The following MARCHF11 variants were observed in gnomAD, a reference collection of about 807,000 sequenced individuals.
MARCHF11 encodes the protein membrane associated ring-CH-type finger 11.
Under a neutral mutation model 37.3 loss-of-function variants are expected in MARCHF11, and 29 were observed. The ratio of observed to expected loss-of-function variants is 0.78; its 90% confidence interval spans 0.58 to 1.06. The LOEUF (loss-of-function observed/expected upper bound fraction) is 1.06, where lower values mean the gene tolerates loss of function less well. Among genes scored for constraint, MARCHF11 ranks in the 50% least tolerant of loss-of-function variants. The probability of loss-of-function intolerance (pLI) is 0.00; values close to 1 mark genes in which losing one functional copy is unlikely to be tolerated. For missense variants in MARCHF11, 482 were observed against 533.4 expected, an observed-to-expected ratio of 0.90 and a Z score of 0.95; for synonymous variants, 233 against 228.0, an observed-to-expected ratio of 1.02 and a Z score of -0.20.
In MARCHF11 at chr5:16,111,206, C is replaced by T. The variant is rs548063718; in HGVS notation, c.694-20125G>A. On this transcript the variant is annotated intron_variant, in intron 2 of 3. Transcript: ENST00000332432. ...GTAAAGATACCTGAAAATGTGGAAGCGACTTTGGAACTGGGTAACAGGCAG... is the reference window on the plus strand; with the variant it reads ...GTAAAGATACCTGAAAATGTGGAAGTGACTTTGGAACTGGGTAACAGGCAG... Among the ~76,000 whole-genome samples the T allele has an allele frequency of 3.9e-5, 6 of 152,164 alleles. No homozygotes were observed. The East Asian group carries it at 5.8e-4, about 15-fold the overall frequency.
chr5:16,109,394 GC>G (rs1737099470), intron 2 of MARCHF11, among the ~76,000 whole-genome samples: 1 of 152,154 alleles, frequency 6.6e-6, no homozygotes, highest in African/African-American at 2.4e-5. Context: ...AATCAATCAT[GC>G]CTATGTAATG....
intron 2 of MARCHF11, among the ~76,000 whole-genome samples, chr5:16,094,855 C>G (rs901257307): frequency 6.6e-6 from 1 of 152,100 alleles, no homozygotes; most frequent in African/African-American, 2.4e-5. Flanking sequence ...AGGACTGATA[C>G]AGGCCAGGCA....
intron 2 of MARCHF11, among the ~76,000 whole-genome samples, chr5:16,103,848 G>A (rs1366117830): frequency 6.6e-6 from 1 of 152,062 alleles, no homozygotes; most frequent in African/African-American, 2.4e-5. Context: ...CCTGGCAGAT[G>A]AGACGCCATG....
chr5:16,084,584 A>C (rs1202697572), intron 3 of MARCHF11, among the ~76,000 whole-genome samples: 1 of 152,098 alleles, frequency 6.6e-6, no homozygotes. Flanking sequence ...TGGATGTTGC[A>C]GTGGGCCAAG....
At chr5:16,177,695 T>C in intron 2 of MARCHF11, 31 bp downstream of exon 2, 1 of 1,573,334 alleles carries the variant, frequency 6.4e-7, no homozygotes, top group Non-Finnish European at 8.6e-7. Flanking sequence ...ACAAAATTAT[T>C]TCAGGAAAAA....
At chr5:16,085,451 G>C (rs1315399939) in intron 3 of MARCHF11, among the ~76,000 whole-genome samples, 5 of 151,956 alleles carry the variant, frequency 3.3e-5, no homozygotes, top group Non-Finnish European at 7.4e-5. Context: ...AACTTAAATA[G>C]CTATGGAATT....
At chr5:16,131,484 A>G (rs550776268) in intron 2 of MARCHF11, among the ~76,000 whole-genome samples, 13 of 152,238 alleles carry the variant, frequency 8.5e-5, no homozygotes, top group Non-Finnish European at 1.8e-4. Flanking sequence ...TAGAAAGGAA[A>G]GAAAAAATGC....
intron 3 of MARCHF11, among the ~76,000 whole-genome samples, chr5:16,083,031 G>A (rs577628028): frequency 6.1e-4 from 93 of 152,272 alleles, no homozygotes; most frequent in Middle Eastern, 3.4e-3. Context: ...TAATGGTGGC[G>A]GTGATTGAGT....
intron 2 of MARCHF11, among the ~76,000 whole-genome samples, chr5:16,110,486 T>C (rs1271757842): frequency 6.6e-6 from 1 of 152,174 alleles, no homozygotes; most frequent in African/African-American, 2.4e-5. Flanking sequence ...AAGGGCATGA[T>C]CACAATATAA....
chr5:16,082,705 A>T lies in MARCHF11; in HGVS notation c.886+8184T>A, dbSNP rs375525254. On this transcript the variant is annotated intron_variant, in intron 3 of 3. Coordinates refer to ENST00000332432, the MANE Select transcript of MARCHF11 (RefSeq NM_001102562.3). ...TGGAGGGAAAATTGCAGTGATATGA[A>T]GTCTCCAAAAGGAAATACTAGGCTA... 3.3e-4 allele frequency among the ~76,000 whole-genome samples: 51 copies of T among 152,282 alleles called. 2 individuals are homozygous for T. Among genetic ancestry groups the T allele is most frequent in the African/African-American group, 1.2e-3 (51 of 41,562 alleles).
At chr5:16,119,903 C>A (rs1737285475) in intron 2 of MARCHF11, among the ~76,000 whole-genome samples, 1 of 152,196 alleles carries the variant, frequency 6.6e-6, no homozygotes, top group African/African-American at 2.4e-5. Flanking sequence ...GCTTAAAATG[C>A]ATTACTAAAT....
At chr5:16,166,048 C>T (rs1434746921) in intron 2 of MARCHF11, among the ~76,000 whole-genome samples, 1 of 152,088 alleles carries the variant, frequency 6.6e-6, no homozygotes, top group Admixed American at 6.6e-5. Context: ...TATTGGTGTT[C>T]ACCTACAGAT....
chr5:16,086,145 A>C (rs1736695210), intron 3 of MARCHF11, among the ~76,000 whole-genome samples: 1 of 152,154 alleles, frequency 6.6e-6, no homozygotes, highest in Non-Finnish European at 1.5e-5. Context: ...CTGTCATAAC[A>C]GGGAAAGATC....
chr5:16,086,411 T>G (rs1736698854), intron 3 of MARCHF11, among the ~76,000 whole-genome samples: 1 of 152,148 alleles, frequency 6.6e-6, no homozygotes, highest in Admixed American at 6.5e-5. Flanking sequence ...AAATTTCACA[T>G]GTGTTTGTAT....
intron 2 of MARCHF11, among the ~76,000 whole-genome samples, chr5:16,175,940 T>C (rs139459201): frequency 7.4e-4 from 112 of 152,346 alleles, no homozygotes; most frequent in Non-Finnish European, 1.5e-3. Flanking sequence ...TAGTACCAGA[T>C]TAGTTTTTGG....
At chr5:16,140,950 G>A (rs1315650049) in intron 2 of MARCHF11, 1 of 152,150 alleles carries the variant, frequency 6.6e-6, no homozygotes, top group East Asian at 1.9e-4. Context: ...TGCTTATTAT[G>A]TTCCTGGCAC....
chr5:16,151,533 C>A (rs1737887252), intron 2 of MARCHF11, among the ~76,000 whole-genome samples: 1 of 147,252 alleles, frequency 6.8e-6, no homozygotes, highest in Non-Finnish European at 1.5e-5. Flanking sequence ...CACTTTCAGG[C>A]TGATCTTTTT....
At chr5:16,161,026 G>A (rs1738067324) in intron 2 of MARCHF11, among the ~76,000 whole-genome samples, 1 of 151,888 alleles carries the variant, frequency 6.6e-6, no homozygotes, top group African/African-American at 2.4e-5. Flanking sequence ...GGTTTATTTG[G>A]AAAGGTTTTA....
At chr5:16,127,008 G>A (rs1460483773) in intron 2 of MARCHF11, among the ~76,000 whole-genome samples, 7 of 152,086 alleles carry the variant, frequency 4.6e-5, no homozygotes, top group Admixed American at 2.6e-4. Flanking sequence ...TCAGAAAAAA[G>A]GCATCTCCCC....
Sources: gnomAD v4.1 joint callset for allele counts (sites outside exome capture counted in the v4.1 genomes callset) on GRCh38, gnomAD v4.1.1 for gene constraint, MANE v1.5 for transcripts, NCBI Gene and HGNC (gene_info 2026-07-23, HGNC 2026-07-21) for gene names.